The following KMT2E variants were observed in gnomAD, a reference collection of about 807,000 sequenced individuals.
The protein encoded by KMT2E is histone reader KMT2E.
A neutral mutation model predicts 184.6 loss-of-function variants in KMT2E; 30 were observed. The ratio of observed to expected loss-of-function variants is 0.16; its 90% CI spans 0.12 to 0.22. The LOEUF (loss-of-function observed/expected upper bound fraction) is 0.22. Ranked by LOEUF, KMT2E falls within the 10% of genes least tolerant of loss-of-function variation. The pLI is 1.00. For synonymous variants in KMT2E, 815 were observed against 776.5 expected (o/e 1.05, Z -0.82); for missense variants, 2,023 against 2,237.4 (o/e 0.90, Z 1.93).
chr7:105,031,024 A>G (rs1177907859), intron 1 of KMT2E, among the ~76,000 whole-genome samples: 1 of 152,204 alleles, frequency 6.6e-6, no homozygotes. Context: ...AGAAGGAGAT[A>G]GAAGGAGAGT....
Position 105,112,629 on chromosome 7 carries a change from G to A in KMT2E, c.4873G>A (p.Val1625Ile), listed in dbSNP as rs749366244. Residue 1625 changes from valine to isoleucine, a missense_variant, in exon 27 of 27, where the codon GTA becomes ATA. Val to Ile is a conservative substitution (Grantham distance 29). This residue lies in a region of KMT2E where 1,108 missense variants were observed against 1,050.9 expected (regional missense o/e 1.05). Transcript: ENST00000311117. The stretch of plus-strand genomic sequence containing the variant: ...CATTCACCATCAAACTGCTGCTGCC[G>A]TAGTCCCCCCTCCTCCTCCACCACC... ...PTIHHQTAAA[V>I]VPPPPPPPPA... is the part of the protein sequence containing the mutation. The A allele has an allele frequency of 3.3e-5, 53 of 1,613,634 alleles. No homozygotes were observed. Among genetic ancestry groups the A allele is most frequent in the South Asian group, 7.7e-5 (7 of 91,064 alleles).
intron 1 of KMT2E, among the ~76,000 whole-genome samples, chr7:105,030,741 C>T (rs1295538474): frequency 6.6e-6 from 1 of 152,172 alleles, no homozygotes; most frequent in African/African-American, 2.4e-5. Context: ...TTTTCTACTC[C>T]TATCCCCAGG....
chr7:105,062,785 G>A (rs1445434727), intron 4 of KMT2E, among the ~76,000 whole-genome samples: 1 of 151,562 alleles, frequency 6.6e-6, no homozygotes, highest in Non-Finnish European at 1.5e-5. Flanking sequence ...ATTAAATATT[G>A]CATATCTAGT....
At chr7:105,038,876 A>G (rs573471748) in intron 2 of KMT2E, among the ~76,000 whole-genome samples, 15 of 152,322 alleles carry the variant, frequency 9.8e-5, no homozygotes, top group East Asian at 7.7e-4. Flanking sequence ...GTCTTAATAC[A>G]TATGACCTCT....
rs1486414552 is a variant in KMT2E at position 105,069,708 on chromosome 7, T to C, written c.497+2901T>C. Among the ~76,000 whole-genome samples the C allele has an allele frequency of 2.6e-5, 4 of 152,328 alleles. No individual in the cohort carries two copies. In the South Asian group the frequency reaches 8.3e-4, roughly 32 times the overall value. ...TACCTGTTTTGCCCCAGTGTTAACATCTTGCATAACTATTAATACAATATC... is the reference window on the plus strand; with the variant it reads ...TACCTGTTTTGCCCCAGTGTTAACACCTTGCATAACTATTAATACAATATC... On this transcript the variant is annotated intron_variant, in intron 6 of 26. Coordinates refer to ENST00000311117, the MANE Select transcript of KMT2E (RefSeq NM_182931.3).
chr7:105,045,149 A>G (rs1796046907), intron 3 of KMT2E, among the ~76,000 whole-genome samples: 1 of 152,196 alleles, frequency 6.6e-6, no homozygotes, highest in South Asian at 2.1e-4. Flanking sequence ...TGCTATGTAT[A>G]ATTTAGTTAT....
At chr7:105,036,626 C>T (rs1438412020) in intron 1 of KMT2E, among the ~76,000 whole-genome samples, 6 of 152,138 alleles carry the variant, frequency 3.9e-5, no homozygotes, top group African/African-American at 1.4e-4. Flanking sequence ...GCACCTATAC[C>T]ATAGGCTTAT....
intron 1 of KMT2E, among the ~76,000 whole-genome samples, chr7:105,022,652 T>C (rs777952239): frequency 2.6e-5 from 4 of 152,190 alleles, no homozygotes; most frequent in Non-Finnish European, 4.4e-5. Flanking sequence ...CTTCAAGATG[T>C]AGCGTCTGTT....
chr7:105,106,858 T>A, intron 20 of KMT2E, 86 bp downstream of exon 20: 1 of 1,291,858 alleles, frequency 7.7e-7, no homozygotes, highest in Non-Finnish European at 1.1e-6. Context: ...CTTTAACAAC[T>A]AGTGTGCTGA....
At chr7:105,064,164 GTTTTTTT>G (rs66946883) in intron 5 of KMT2E, 154 of 76,092 alleles carry the variant, frequency 2.0e-3, no homozygotes, top group East Asian at 6.6e-3. Context: ...TTTTTTCTTG[GTTTTTTT>G]TTTTTTTTTT....
chr7:105,069,720 A>G (rs1220872144), intron 6 of KMT2E, among the ~76,000 whole-genome samples: 3 of 152,230 alleles, frequency 2.0e-5, no homozygotes, highest in African/African-American at 7.2e-5. Context: ...TTGCATAACT[A>G]TTAATACAAT....
intron 21 of KMT2E, 37 bp downstream of exon 21, chr7:105,107,259 T>C (rs774998282): frequency 6.6e-7 from 1 of 1,509,920 alleles, no homozygotes; most frequent in Non-Finnish European, 9.0e-7. Context: ...ATTGGTAGTT[T>C]TTTTCCTATT....
At chr7:105,039,400 A>C (rs562563950) in intron 2 of KMT2E, 1 of 152,232 alleles carries the variant, frequency 6.6e-6, no homozygotes, top group Non-Finnish European at 1.5e-5. Context: ...TTTCCTTTCA[A>C]TGTTTGCCTC....
intron 13 of KMT2E, among the ~76,000 whole-genome samples, chr7:105,086,846 T>C (rs1797985682): frequency 6.8e-6 from 1 of 147,142 alleles, no homozygotes; most frequent in Non-Finnish European, 1.5e-5. Context: ...AGCTAGCATA[T>C]ATAGTATATA....
At chr7:105,048,070 A>C (rs1033362529) in intron 3 of KMT2E, among the ~76,000 whole-genome samples, 1 of 152,064 alleles carries the variant, frequency 6.6e-6, no homozygotes. Flanking sequence ...AAAGGACCTC[A>C]AGGTCGCACA....
chr7:105,048,046 G>A (rs1332771273), intron 3 of KMT2E, among the ~76,000 whole-genome samples: 1 of 151,932 alleles, frequency 6.6e-6, no homozygotes, highest in South Asian at 2.1e-4. Flanking sequence ...TTGGGGGGTG[G>A]ATAGGGACTC....
intron 3 of KMT2E, among the ~76,000 whole-genome samples, chr7:105,059,103 ATAAT>A (rs1796689944): frequency 6.6e-6 from 1 of 152,184 alleles, no homozygotes; most frequent in Admixed American, 6.5e-5. Context: ...ACTTCTGTAA[ATAAT>A]TATGAAGTAT....
At chr7:105,107,064 C>G in intron 20 of KMT2E, 102 bp from the exon 21 acceptor site, 1 of 719,332 alleles carries the variant, frequency 1.4e-6, no homozygotes, top group South Asian at 2.3e-5. Flanking sequence ...AGATCTAAAA[C>G]TAAAGTCTGT....
Position 105,075,667 on chromosome 7 carries a change from A to G in KMT2E, c.730-376A>G, listed in dbSNP as rs961698281. The stretch of plus-strand genomic sequence containing the variant: ...TATTATATACAGATTTTTATATTCT[A>G]TATAGTCTATATACTTTTTTTTTTT... On this transcript the variant is annotated intron_variant, in intron 8 of 26. Transcript: ENST00000311117. Among the ~76,000 whole-genome samples the G allele has an allele frequency of 2.9e-4, 44 of 151,700 alleles. 1 individual carries two copies. The highest frequency in any genetic ancestry group is 9.7e-4 in the African/African-American group (40 of 41,394).
Sources: allele counts gnomAD v4.1 joint callset (sites outside exome capture counted in the v4.1 genomes callset), GRCh38; gene constraint gnomAD v4.1.1; regional missense constraint gnomAD v4.1.1; transcripts MANE v1.5; gene names NCBI Gene and HGNC (gene_info 2026-07-23, HGNC 2026-07-21).